Variants in ZBTB7C observed in about 807,000 individuals in gnomAD.
The protein encoded by ZBTB7C is zinc finger and BTB domain-containing protein 7C.
ZBTB7C carries 8 observed loss-of-function variants against 25.7 expected under a neutral mutation model. That is an observed-to-expected ratio of 0.31 (90% confidence interval 0.18 to 0.56). The LOEUF (loss-of-function observed/expected upper bound fraction) is 0.56. ZBTB7C is among the 20% of genes least tolerant of loss of function. ZBTB7C has a pLI of 0.91. For missense variants in ZBTB7C, 824 were observed against 855.2 expected, an observed-to-expected ratio of 0.96 and a Z score of 0.46; for synonymous variants, 394 against 369.0, an observed-to-expected ratio of 1.07 and a Z score of -0.78.
intron 1 of ZBTB7C, among the ~76,000 whole-genome samples, chr18:48,376,887 T>C (rs1160656997): frequency 6.6e-6 from 1 of 152,222 alleles, no homozygotes; most frequent in East Asian, 1.9e-4. Flanking sequence ...CTTCTGCCTC[T>C]GGTGCACAGA....
intron 2 of ZBTB7C, among the ~76,000 whole-genome samples, chr18:48,246,627 T>G (rs1445153853): frequency 6.6e-6 from 1 of 152,070 alleles, no homozygotes; most frequent in Non-Finnish European, 1.5e-5. Context: ...CTGTAATAAC[T>G]TTAATTAAAC....
At chr18:48,278,073 G>A (rs1435283977) in intron 2 of ZBTB7C, among the ~76,000 whole-genome samples, 1 of 152,178 alleles carries the variant, frequency 6.6e-6, no homozygotes, top group African/African-American at 2.4e-5. Context: ...GGTGGGTTAT[G>A]TTTCCCTCCC....
At chr18:48,220,421 A>C (rs1599128571) in intron 2 of ZBTB7C, among the ~76,000 whole-genome samples, 1 of 152,296 alleles carries the variant, frequency 6.6e-6, no homozygotes, top group African/African-American at 2.4e-5. Context: ...AACAGATGCC[A>C]GGGGAGTAAG....
intron 2 of ZBTB7C, among the ~76,000 whole-genome samples, chr18:48,197,423 C>G (rs1404071260): frequency 6.6e-6 from 1 of 152,236 alleles, no homozygotes; most frequent in Non-Finnish European, 1.5e-5. Context: ...CCAGCCCTCT[C>G]CACACTGAGC....
At chr18:48,174,458 G>A (rs542102991) in intron 3 of ZBTB7C, among the ~76,000 whole-genome samples, 6 of 152,222 alleles carry the variant, frequency 3.9e-5, no homozygotes, top group South Asian at 2.1e-4. Flanking sequence ...TGGCAAGGTC[G>A]TGGGAAAACA....
chr18:48,396,296 T>A (rs2048027804), intron 1 of ZBTB7C, among the ~76,000 whole-genome samples: 1 of 152,162 alleles, frequency 6.6e-6, no homozygotes, highest in Non-Finnish European at 1.5e-5. Context: ...TAGGAGATGA[T>A]TTGCAAAATG....
chr18:48,085,496 C>T (rs1466228207), intron 3 of ZBTB7C, among the ~76,000 whole-genome samples: 1 of 152,128 alleles, frequency 6.6e-6, no homozygotes, highest in Admixed American at 6.5e-5. Flanking sequence ...GATCCCTGCT[C>T]TGCTATTCAT....
At chr18:48,041,366 G>A in intron 3 of ZBTB7C, 1 of 985,462 alleles carries the variant, frequency 1.0e-6, no homozygotes, top group Non-Finnish European at 1.2e-6. Flanking sequence ...GCTGGTGTCA[G>A]CTACTCACCA....
rs59232482 is a variant in ZBTB7C at position 48,395,265 on chromosome 18, A to ATGTGTG, written c.-304+13955_-304+13960dup. ...TCGTTTAAGGAGAGAGAGAGAGAGAATGTGTGTGTGTGTGTGTGTGTGTGT... is the reference window on the plus strand; with the variant it reads ...TCGTTTAAGGAGAGAGAGAGAGAGAATGTGTGTGTGTGTGTGTGTGTGTGTGTGTGT... On this transcript the variant is annotated intron_variant, in intron 1 of 4. Coordinates refer to ENST00000590800, the MANE Select transcript of ZBTB7C (RefSeq NM_001318841.2). 9.8e-4 allele frequency among the ~76,000 whole-genome samples: 102 copies of ATGTGTG among 103,608 alleles called. 1 individual carries two copies. The highest frequency in any genetic ancestry group is 4.9e-3 in the East Asian group (13 of 2,676). The allele number at this position is 103,608 out of a possible 152,430, so 68.0% of individuals were successfully genotyped here.
chr18:48,068,964 AAGCTCTTTCCGG>A (rs1161528809), intron 3 of ZBTB7C, among the ~76,000 whole-genome samples: 1 of 152,212 alleles, frequency 6.6e-6, no homozygotes, highest in Non-Finnish European at 1.5e-5. Context: ...AGAAGAGAAC[AAGCTCTTTCCGG>A]AGCTCAGGGA....
intron 2 of ZBTB7C, among the ~76,000 whole-genome samples, chr18:48,241,465 G>A (rs564022583): frequency 2.6e-5 from 4 of 152,148 alleles, no homozygotes; most frequent in East Asian, 1.9e-4. Context: ...CATAAAACAC[G>A]TCTCAATAAA....
chr18:48,107,881 C>G (rs1218316838), intron 3 of ZBTB7C, among the ~76,000 whole-genome samples: 1 of 152,166 alleles, frequency 6.6e-6, no homozygotes, highest in African/African-American at 2.4e-5. Flanking sequence ...AGAGTAGCTG[C>G]AGAGCCATGA....
intron 1 of ZBTB7C, among the ~76,000 whole-genome samples, chr18:48,382,866 A>G (rs1327694811): frequency 6.6e-6 from 1 of 152,234 alleles, no homozygotes; most frequent in Non-Finnish European, 1.5e-5. Context: ...TAAGCAGCTG[A>G]CCAGGAGTTA....
At chr18:48,293,244 T>C (rs1360793799) in intron 2 of ZBTB7C, among the ~76,000 whole-genome samples, 2 of 152,342 alleles carry the variant, frequency 1.3e-5, no homozygotes, top group African/African-American at 4.8e-5. Flanking sequence ...TTACTGCTCA[T>C]GTCCTCACTT....
chr18:48,403,062 C>T lies in ZBTB7C; in HGVS notation c.-304+6164G>A, dbSNP rs150995121. On this transcript the variant is annotated intron_variant, in intron 1 of 4. Coordinates refer to ENST00000590800, the MANE Select transcript of ZBTB7C (RefSeq NM_001318841.2). ...AAGAGAAACCCTCCCTGCATCCATGCTGGCAGACAGCTGTCCACAGCTGTT... is the reference window on the plus strand; with the variant it reads ...AAGAGAAACCCTCCCTGCATCCATGTTGGCAGACAGCTGTCCACAGCTGTT... Among the ~76,000 whole-genome samples the T allele has an allele frequency of 3.5e-4, 54 of 152,298 alleles. 1 individual carries two copies. The East Asian group carries it at 0.01, about 29-fold the overall frequency.
intron 3 of ZBTB7C, among the ~76,000 whole-genome samples, chr18:48,098,996 G>A (rs2038738969): frequency 6.6e-6 from 1 of 152,208 alleles, no homozygotes; most frequent in Non-Finnish European, 1.5e-5. Flanking sequence ...ACCTGAGTCT[G>A]ACCCTATCCA....
chr18:48,389,519 A>G (rs887281252), intron 1 of ZBTB7C, among the ~76,000 whole-genome samples: 4 of 131,578 alleles, frequency 3.0e-5, no homozygotes, highest in South Asian at 4.8e-4. Flanking sequence ...GAAAATATGT[A>G]TAAGCACTTG....
chr18:48,186,152 G>T (rs1403764823), intron 2 of ZBTB7C, among the ~76,000 whole-genome samples, 157 bp from the exon 3 acceptor site: 3 of 152,212 alleles, frequency 2.0e-5, no homozygotes, highest in Non-Finnish European at 4.4e-5. Flanking sequence ...AGTTGGGTGG[G>T]TGCCCCTCGC....
At chr18:48,059,480 T>A (rs931902159) in intron 3 of ZBTB7C, among the ~76,000 whole-genome samples, 3 of 152,112 alleles carry the variant, frequency 2.0e-5, no homozygotes, top group Non-Finnish European at 4.4e-5. Flanking sequence ...TACAACTCAC[T>A]GGCACACTGG....
Sources: allele counts gnomAD v4.1 joint callset (sites outside exome capture counted in the v4.1 genomes callset), GRCh38; gene constraint gnomAD v4.1.1; transcripts MANE v1.5; gene names NCBI Gene and HGNC (gene_info 2026-07-23, HGNC 2026-07-21).